SASH1: variants seen among roughly 807,000 people sequenced by gnomAD.
The protein encoded by SASH1 is SAM and SH3 domain-containing protein 1.
A neutral mutation model predicts 125.2 loss-of-function variants in SASH1; 44 were observed. The ratio of observed to expected loss-of-function variants is 0.35; its 90% confidence interval spans 0.28 to 0.45. SASH1 has a LOEUF of 0.45. Among genes scored for constraint, SASH1 ranks in the 20% least tolerant of loss-of-function variants. The pLI is 1.00. For synonymous variants in SASH1, 639 were observed against 649.1 expected, an observed-to-expected ratio of 0.98 and a Z score of 0.24; for missense variants, 1,426 against 1,614.5, an observed-to-expected ratio of 0.88 and a Z score of 2.00.
At chr6:148,266,456 C>T in the SASH1 span, among the ~76,000 whole-genome samples, 1 of 152,174 alleles carries the variant, frequency 6.6e-6, no homozygotes, top group East Asian at 1.9e-4. Flanking sequence ...CATATATGAC[C>T]TACCTCACAG....
intron 7 of SASH1, among the ~76,000 whole-genome samples, chr6:148,476,057 C>G (rs894935227): frequency 1.3e-5 from 2 of 151,952 alleles, no homozygotes; most frequent in Non-Finnish European, 2.9e-5. Context: ...AAAGATTCCA[C>G]TGAAAAACTA....
At chr6:148,301,925 T>C (rs78737563) in intron 1 of SASH1, among the ~76,000 whole-genome samples, 9,628 of 151,252 alleles carry the variant, frequency 0.064, 530 homozygotes, top group East Asian at 0.27. Flanking sequence ...ACAACTGACA[T>C]TCACTAAATG....
chr6:148,520,961 TTCTTA>T (rs1031187737), intron 10 of SASH1, among the ~76,000 whole-genome samples: 19 of 152,228 alleles, frequency 1.2e-4, no homozygotes, highest in African/African-American at 4.3e-4. Flanking sequence ...CTATTCCATG[TTCTTA>T]TCTTTATAAA....
At chr6:148,413,965 G>C (rs1165779747) in intron 2 of SASH1, among the ~76,000 whole-genome samples, 1 of 151,952 alleles carries the variant, frequency 6.6e-6, no homozygotes, top group African/African-American at 2.4e-5. Flanking sequence ...AAAAACCATT[G>C]AAGAATGGTA....
At chr6:148,314,849 T>G (rs946774957) in intron 1 of SASH1, among the ~76,000 whole-genome samples, 13 of 151,092 alleles carry the variant, frequency 8.6e-5, no homozygotes, top group African/African-American at 3.2e-4. Context: ...CTCTGCCTCC[T>G]GGGTTCAAGT....
the SASH1 span, among the ~76,000 whole-genome samples, chr6:148,212,733 T>G: frequency 6.6e-6 from 1 of 152,228 alleles, no homozygotes; most frequent in Non-Finnish European, 1.5e-5. Context: ...TGTCATGCAC[T>G]CACTTCCTCA....
intron 1 of SASH1, among the ~76,000 whole-genome samples, chr6:148,347,026 G>A (rs1461305748): frequency 6.6e-6 from 1 of 152,174 alleles, no homozygotes; most frequent in Non-Finnish European, 1.5e-5. Flanking sequence ...TGGCAGACAC[G>A]GCATTCCTTT....
At chr6:148,263,304 G>A in the SASH1 span, among the ~76,000 whole-genome samples, 2 of 152,172 alleles carry the variant, frequency 1.3e-5, no homozygotes, top group Non-Finnish European at 2.9e-5. Context: ...GCATTCTTAA[G>A]CAGGTTTTCT....
intron 1 of SASH1, among the ~76,000 whole-genome samples, chr6:148,305,641 A>AAAAAG (rs1554232122): frequency 6.8e-5 from 9 of 133,200 alleles, no homozygotes; most frequent in Non-Finnish European, 9.7e-5. Context: ...AAAAAAAAAA[A>AAAAAG]AAAGAAAGAA....
the SASH1 span, among the ~76,000 whole-genome samples, chr6:148,244,936 G>GTATA: frequency 1.7e-4 from 19 of 114,936 alleles, no homozygotes; most frequent in Non-Finnish European, 3.0e-4. Context: ...GTGTGTATGT[G>GTATA]TGTGTGTGTG....
chr6:148,270,309 C>T (rs1779031943), upstream of SASH1, among the ~76,000 whole-genome samples: 1 of 152,240 alleles, frequency 6.6e-6, no homozygotes, highest in South Asian at 2.1e-4. Flanking sequence ...CCTCACCTTA[C>T]CTGCCAGCTA....
intron 2 of SASH1, among the ~76,000 whole-genome samples, chr6:148,421,493 A>C (rs147901870): frequency 0.016 from 2,383 of 152,202 alleles, 33 homozygotes; most frequent in Admixed American, 0.029. Context: ...TAGTAGAGAC[A>C]TGGTTTGACC....
chr6:148,439,010 A>G (rs1343693872), intron 2 of SASH1, among the ~76,000 whole-genome samples: 1 of 152,168 alleles, frequency 6.6e-6, no homozygotes, highest in Non-Finnish European at 1.5e-5. Flanking sequence ...CATCAACAAA[A>G]GGTTTTCGGT....
intron 4 of SASH1, among the ~76,000 whole-genome samples, chr6:148,455,096 G>T (rs1777273710): frequency 6.6e-6 from 1 of 152,174 alleles, no homozygotes; most frequent in Non-Finnish European, 1.5e-5. Context: ...ATGAAGATGG[G>T]CCCTGTGATC....
chr6:148,447,397 G>A (rs1472236150), intron 4 of SASH1, among the ~76,000 whole-genome samples: 2 of 152,138 alleles, frequency 1.3e-5, no homozygotes, highest in African/African-American at 4.8e-5. Flanking sequence ...ACAATGCTTC[G>A]CTCTCAGGTA....
chr6:148,505,221 C>T (rs1474352629), intron 8 of SASH1, among the ~76,000 whole-genome samples: 2 of 152,228 alleles, frequency 1.3e-5, no homozygotes, highest in Admixed American at 1.3e-4. Flanking sequence ...TGCATTGGCT[C>T]AGAGTCTTCT....
intron 1 of SASH1, among the ~76,000 whole-genome samples, chr6:148,382,327 T>A (rs1261303760): frequency 2.0e-5 from 3 of 152,104 alleles, no homozygotes. Context: ...TCTCGCTCTG[T>A]CACCCAGGCT....
chr6:148,459,021 C>T (rs998099119), intron 4 of SASH1, among the ~76,000 whole-genome samples: 1 of 147,746 alleles, frequency 6.8e-6, no homozygotes, highest in Non-Finnish European at 1.5e-5. Context: ...CACACACACA[C>T]ACCCTCTAGC....
the SASH1 span, among the ~76,000 whole-genome samples, chr6:148,223,125 GGA>G: frequency 6.7e-6 from 1 of 150,326 alleles, no homozygotes; most frequent in Non-Finnish European, 1.5e-5. Flanking sequence ...AAATGTTCCT[GGA>G]GAGGCAGCGG....
Sources: gnomAD v4.1 joint callset for allele counts (sites outside exome capture counted in the v4.1 genomes callset) on GRCh38, gnomAD v4.1.1 for gene constraint, MANE v1.5 for transcripts, NCBI Gene and HGNC (gene_info 2026-07-23, HGNC 2026-07-21) for gene names.